Variants in NMNAT2 observed in about 807,000 individuals in gnomAD.
NMNAT2 encodes the protein nicotinamide nucleotide adenylyltransferase 2.
In NMNAT2, 11 loss-of-function variants were observed where a neutral mutation model predicts 41.6. The ratio of observed to expected loss-of-function variants is 0.26; its 90% confidence interval spans 0.17 to 0.44. NMNAT2 has a LOEUF of 0.44. NMNAT2 is among the 20% of genes least tolerant of loss of function. NMNAT2 has a pLI of 1.00. For missense variants in NMNAT2, 288 were observed against 407.7 expected, an observed-to-expected ratio of 0.71 and a Z score of 2.53; for synonymous variants, 148 against 151.2, an observed-to-expected ratio of 0.98 and a Z score of 0.16.
chr1:183,307,375 C>A (rs1205259122), intron 1 of NMNAT2, among the ~76,000 whole-genome samples: 1 of 145,630 alleles, frequency 6.9e-6, no homozygotes. Flanking sequence ...GGTGTGATCT[C>A]GGCTCACTGC....
At chr1:183,277,838 C>A (rs1661161310) in intron 8 of NMNAT2, among the ~76,000 whole-genome samples, 1 of 152,134 alleles carries the variant, frequency 6.6e-6, no homozygotes, top group African/African-American at 2.4e-5. Flanking sequence ...GCAAGTTAAT[C>A]AAAAAGCACT....
chr1:183,391,184 A>G (rs545172464), intron 1 of NMNAT2, among the ~76,000 whole-genome samples: 2 of 151,908 alleles, frequency 1.3e-5, no homozygotes, highest in Non-Finnish European at 2.9e-5. Context: ...TTCAAATCCC[A>G]TTGCTTCCTC....
At chr1:183,303,516 T>C (rs573246427) in intron 1 of NMNAT2, among the ~76,000 whole-genome samples, 1 of 152,230 alleles carries the variant, frequency 6.6e-6, no homozygotes, top group Non-Finnish European at 1.5e-5. Flanking sequence ...CTTTTGGAAT[T>C]TGAAGTGGGA....
At chr1:183,332,826 C>T (rs1229971101) in intron 1 of NMNAT2, among the ~76,000 whole-genome samples, 1 of 152,210 alleles carries the variant, frequency 6.6e-6, no homozygotes, top group Non-Finnish European at 1.5e-5. Flanking sequence ...CAGCCTCGCC[C>T]AGGTCGGGGT....
At chr1:183,280,065 T>C (rs773331309) in intron 7 of NMNAT2, among the ~76,000 whole-genome samples, 16 of 152,170 alleles carry the variant, frequency 1.1e-4, no homozygotes, top group Admixed American at 3.3e-4. Flanking sequence ...ATGGGGTCAC[T>C]GGGGAGAATG....
chr1:183,268,817 G>A (rs1571562022), intron 8 of NMNAT2, among the ~76,000 whole-genome samples: 1 of 152,218 alleles, frequency 6.6e-6, no homozygotes, highest in African/African-American at 2.4e-5. Flanking sequence ...CAAGGTGGGA[G>A]GATCACTTGA....
At chr1:183,316,725 A>G (rs1196298632) in intron 1 of NMNAT2, among the ~76,000 whole-genome samples, 1 of 152,162 alleles carries the variant, frequency 6.6e-6, no homozygotes, top group African/African-American at 2.4e-5. Flanking sequence ...GGCTCCTTCT[A>G]TATTGTTGAT....
chr1:183,331,241 A>AC (rs368034585), intron 1 of NMNAT2, among the ~76,000 whole-genome samples: 67,962 of 151,748 alleles, frequency 0.45, 16,232 homozygotes, highest in East Asian at 0.78. Flanking sequence ...GACATCAATC[A>AC]AGCTGCTGTC....
intron 1 of NMNAT2, chr1:183,304,579 G>A (rs1186085189): frequency 4.1e-6 from 5 of 1,229,194 alleles, no homozygotes; most frequent in South Asian, 2.5e-5. Flanking sequence ...GAGAAGCTCC[G>A]CTGGAGACAG....
At chr1:183,387,323 G>A (rs1267262810) in intron 1 of NMNAT2, among the ~76,000 whole-genome samples, 1 of 149,934 alleles carries the variant, frequency 6.7e-6, no homozygotes, top group Non-Finnish European at 1.5e-5. Context: ...CCCAATCCCT[G>A]TAGAGCACCT....
At chr1:183,403,122 C>T (rs754733752) in intron 1 of NMNAT2, among the ~76,000 whole-genome samples, 18 of 152,062 alleles carry the variant, frequency 1.2e-4, no homozygotes, top group East Asian at 7.7e-4. Context: ...TTAGTAGAGA[C>T]GGGGTTTCAC....
intron 1 of NMNAT2, among the ~76,000 whole-genome samples, chr1:183,391,373 A>T (rs908390047): frequency 4.6e-5 from 7 of 151,638 alleles, no homozygotes; most frequent in African/African-American, 1.7e-4. Flanking sequence ...GGCAAGGCCA[A>T]CTCCTCCATT....
At chr1:183,369,198 A>G (rs1025114929) in intron 1 of NMNAT2, among the ~76,000 whole-genome samples, 1 of 151,650 alleles carries the variant, frequency 6.6e-6, no homozygotes, top group Non-Finnish European at 1.5e-5. Context: ...CTTAAAATGC[A>G]TAATCTCATT....
intron 7 of NMNAT2, among the ~76,000 whole-genome samples, chr1:183,280,727 G>A (rs1252800217): frequency 2.7e-5 from 4 of 147,934 alleles, no homozygotes; most frequent in Non-Finnish European, 4.5e-5. Flanking sequence ...TTTTTTTGGC[G>A]ACTTTTTTTC....
chr1:183,274,895 A>G (rs1230600849), intron 8 of NMNAT2, among the ~76,000 whole-genome samples: 1 of 152,144 alleles, frequency 6.6e-6, no homozygotes, highest in Admixed American at 6.5e-5. Flanking sequence ...AACTTTCCCT[A>G]CAATAGGAAG....
intron 1 of NMNAT2, among the ~76,000 whole-genome samples, chr1:183,318,450 C>A (rs1281263022): frequency 6.6e-6 from 1 of 152,166 alleles, no homozygotes; most frequent in Non-Finnish European, 1.5e-5. Flanking sequence ...GTCAGGGCAG[C>A]TCTGCAAGAT....
chr1:183,349,410 T>C (rs1297731552), intron 1 of NMNAT2, among the ~76,000 whole-genome samples: 1 of 152,216 alleles, frequency 6.6e-6, no homozygotes, highest in Non-Finnish European at 1.5e-5. Flanking sequence ...GCAGGACAAC[T>C]CACAGGCAGC....
intron 1 of NMNAT2, among the ~76,000 whole-genome samples, chr1:183,374,517 G>T (rs1238095387): frequency 6.6e-6 from 1 of 152,194 alleles, no homozygotes; most frequent in Non-Finnish European, 1.5e-5. Flanking sequence ...TTGATTTAAA[G>T]GGGAGATGAA....
At chr1:183,343,459 T>C (rs1662862107) in intron 1 of NMNAT2, among the ~76,000 whole-genome samples, 1 of 152,254 alleles carries the variant, frequency 6.6e-6, no homozygotes, top group East Asian at 1.9e-4. Flanking sequence ...TACTACTTGA[T>C]TAAATTTTTC....
Sources: gnomAD v4.1 joint callset for allele counts (sites outside exome capture counted in the v4.1 genomes callset) on GRCh38, gnomAD v4.1.1 for gene constraint, MANE v1.5 for transcripts, NCBI Gene and HGNC (gene_info 2026-07-23, HGNC 2026-07-21) for gene names.